Variants in MED14 observed in about 807,000 individuals in gnomAD.
The protein encoded by MED14 is mediator complex subunit 14, also known as mediator of RNA polymerase II transcription subunit 14.
MED14 carries 8 observed loss-of-function variants against 109.0 expected under a neutral mutation model. The ratio of observed to expected loss-of-function variants is 0.07; its 90% CI spans 0.04 to 0.13. The LOEUF (loss-of-function observed/expected upper bound fraction) is 0.13. Among genes scored for constraint, MED14 ranks in the 10% least tolerant of loss-of-function variants. The pLI is 1.00. For synonymous variants in MED14, 399 were observed against 408.7 expected, an observed-to-expected ratio of 0.98 and a Z score of 0.29; for missense variants, 711 against 1,142.4, an observed-to-expected ratio of 0.62 and a Z score of 5.44.
chrX:40,702,811 A>G (rs1198802338), intron 11 of MED14, among the ~76,000 whole-genome samples: 1 of 111,974 alleles, frequency 8.9e-6, no homozygotes, highest in African/African-American at 3.2e-5. Flanking sequence ...TAGCTATAAA[A>G]TATAACCAGA....
In MED14 at chrX:40,654,454, T is replaced by C; in HGVS notation, c.4201A>G (p.Ile1401Val). The change falls in exon 30 of 31, where the codon ATT becomes GTT. Residue 1401 changes from isoleucine to valine, a missense_variant. Ile to Val is a conservative substitution (Grantham distance 29). This residue lies in a region of MED14 where 41 missense variants were observed against 66.9 expected (regional missense o/e 0.61). Coordinates refer to ENST00000324817, the MANE Select transcript of MED14 (RefSeq NM_004229.4). ...MASGTTQQAD[I>V]PRQQNSSVAA... ...ACAGAAGAGTTCTGCTGTCTGGGAATGTCTGCCTGCTGGGTTGTACCTGAA... is the reference window on the plus strand; with the variant it reads ...ACAGAAGAGTTCTGCTGTCTGGGAACGTCTGCCTGCTGGGTTGTACCTGAA... 1 of 1,211,590 alleles carries C rather than the reference T, an allele frequency of 8.3e-7. No individual in the cohort carries two copies. The highest frequency in any genetic ancestry group is 1.1e-6 in the Non-Finnish European group (1 of 895,220).
chrX:40,689,965 C>A (rs1422368592), intron 15 of MED14, among the ~76,000 whole-genome samples: 1 of 111,679 alleles, frequency 9.0e-6, no homozygotes, highest in Non-Finnish European at 1.9e-5. Context: ...AGTCATTAAC[C>A]TACGTAGGCC....
At chrX:40,669,240 A>C (rs1417616616) in intron 23 of MED14, among the ~76,000 whole-genome samples, 3 of 111,829 alleles carry the variant, frequency 2.7e-5, no homozygotes, top group African/African-American at 6.5e-5. Flanking sequence ...TAATTATTTC[A>C]AAATATTTTT....
chrX:40,689,701 A>G (rs1930428380), intron 15 of MED14, among the ~76,000 whole-genome samples: 2 of 111,455 alleles, frequency 1.8e-5, no homozygotes, highest in South Asian at 7.5e-4. Flanking sequence ...CAAAAAAAAA[A>G]AAGATATATA....
intron 13 of MED14, among the ~76,000 whole-genome samples, chrX:40,693,346 G>A (rs1310724672): frequency 9.0e-6 from 1 of 111,408 alleles, no homozygotes; most frequent in Admixed American, 9.5e-5. Flanking sequence ...TGAATCATGG[G>A]GGCGGGTCTT....
intron 2 of MED14, 68 bp downstream of exon 2, chrX:40,729,251 A>G: frequency 9.3e-7 from 1 of 1,071,891 alleles, no homozygotes; most frequent in Non-Finnish European, 1.3e-6. Flanking sequence ...CACCACCCAT[A>G]CCCACACACC....
At chrX:40,658,726 G>A (rs1354123955) in intron 28 of MED14, among the ~76,000 whole-genome samples, 3 of 105,540 alleles carry the variant, frequency 2.8e-5, no homozygotes, top group African/African-American at 6.9e-5. Flanking sequence ...AGCCAGGCGC[G>A]GTGGCGTGCA....
At chrX:40,712,720 G>A (rs1931378571) in intron 6 of MED14, among the ~76,000 whole-genome samples, 194 bp downstream of exon 6, 1 of 111,090 alleles carries the variant, frequency 9.0e-6, no homozygotes. Context: ...TAAATTTTTT[G>A]TAGAGACAGG....
At chrX:40,675,860 T>A (rs1397151229) in intron 21 of MED14, among the ~76,000 whole-genome samples, 1 of 112,286 alleles carries the variant, frequency 8.9e-6, no homozygotes, top group Non-Finnish European at 1.9e-5. Flanking sequence ...CAGCCTTGTT[T>A]TACATATTGT....
At chrX:40,734,953 A>G (rs766686503) in intron 1 of MED14, among the ~76,000 whole-genome samples, 57 of 112,143 alleles carry the variant, frequency 5.1e-4, no homozygotes, top group African/African-American at 1.8e-3. Context: ...CAAAAATTTC[A>G]CACAATTTTC....
intron 10 of MED14, among the ~76,000 whole-genome samples, chrX:40,706,223 G>A (rs972624352): frequency 6.3e-5 from 7 of 111,777 alleles, no homozygotes; most frequent in Admixed American, 1.9e-4. Flanking sequence ...GATCAAGTAA[G>A]ACTACATGGA....
chrX:40,702,347 T>C (rs1055052538), intron 11 of MED14, among the ~76,000 whole-genome samples: 2 of 50,297 alleles, frequency 4.0e-5, no homozygotes, highest in African/African-American at 2.5e-4. Context: ...ATAAGTTTTG[T>C]TTTTTTTTTT....
At chrX:40,710,794 G>C (rs943216013) in intron 8 of MED14, among the ~76,000 whole-genome samples, 5 of 111,867 alleles carry the variant, frequency 4.5e-5, no homozygotes, top group Non-Finnish European at 9.4e-5. Flanking sequence ...TGTCCTATGT[G>C]GTCTACATAA....
intron 28 of MED14, among the ~76,000 whole-genome samples, chrX:40,658,845 G>A (rs1180290018): frequency 2.7e-5 from 3 of 110,966 alleles, no homozygotes; most frequent in Non-Finnish European, 3.8e-5. Context: ...CCTGGGTATC[G>A]GAGTGAGACC....
In MED14 at chrX:40,679,294, G is replaced by A. The variant is rs765161086; in HGVS notation, c.2880+570C>T. Reference sequence around the variant, plus strand: ...GGCTGAGGCAGGTGGATCACCTGAGGTCAGGAGTTCAAGACCAGCCAGGCC... The same window carrying A: ...GGCTGAGGCAGGTGGATCACCTGAGATCAGGAGTTCAAGACCAGCCAGGCC... On this transcript the variant is annotated intron_variant, in intron 21 of 30. Coordinates refer to ENST00000324817, the MANE Select transcript of MED14 (RefSeq NM_004229.4). Among the ~76,000 whole-genome samples the A allele has an allele frequency of 3.2e-4, 36 of 111,518 alleles. No homozygotes were observed. The South Asian group carries it at 0.013, about 42-fold the overall frequency.
chrX:40,700,993 A>G (rs985385527), intron 12 of MED14, among the ~76,000 whole-genome samples, 172 bp downstream of exon 12: 2 of 111,996 alleles, frequency 1.8e-5, no homozygotes, highest in Non-Finnish European at 3.8e-5. Flanking sequence ...TGAGAAACTG[A>G]CATCTTGGAA....
At chrX:40,711,141 C>T (rs1257010682) in intron 8 of MED14, 28 bp downstream of exon 8, 7 of 1,198,172 alleles carry the variant, frequency 5.8e-6, no homozygotes, top group African/African-American at 3.5e-5. Context: ...AGTCATAGCA[C>T]GAACCCACCA....
chrX:40,686,020 A>G (rs1930281438), intron 16 of MED14, among the ~76,000 whole-genome samples: 1 of 111,835 alleles, frequency 8.9e-6, no homozygotes, highest in African/African-American at 3.2e-5. Context: ...ATTTTAATAA[A>G]ATCATGTTGA....
rs1389371102 is a variant in MED14 at position 40,649,912 on chromosome X, T to C, written c.*1894A>G. 2.6e-6 allele frequency: 2 copies of C among 755,185 alleles called. No homozygotes were observed. Among genetic ancestry groups the C allele is most frequent in the Non-Finnish European group, 3.1e-6 (2 of 637,009 alleles). The allele number at this position is 755,185 out of a possible 1,213,427, so 62.2% of individuals were successfully genotyped here. A position where few individuals can be genotyped will look rare whatever the true frequency, so the allele number is the denominator to read the frequency against. ...GAGTTATAATTAGGAAAAAAGAGTG[T>C]CCACTGAATGCATCATGTGTAAAAA... On this transcript the variant is annotated 3_prime_UTR_variant, in exon 31 of 31. Coordinates refer to ENST00000324817, the MANE Select transcript of MED14 (RefSeq NM_004229.4).
Sources: allele counts gnomAD v4.1 joint callset (sites outside exome capture counted in the v4.1 genomes callset), GRCh38; gene constraint gnomAD v4.1.1; regional missense constraint gnomAD v4.1.1; transcripts MANE v1.5; gene names NCBI Gene and HGNC (gene_info 2026-07-23, HGNC 2026-07-21).